Variants in USH2A observed in about 807,000 individuals in gnomAD.
The protein encoded by USH2A is Usher syndrome 2A (autosomal recessive, mild).
A neutral mutation model predicts 538.9 loss-of-function variants in USH2A; 443 were observed. The ratio of observed to expected loss-of-function variants is 0.82; its 90% CI spans 0.76 to 0.89. USH2A has a LOEUF of 0.89. USH2A is among the 40% of genes least tolerant of loss of function. The pLI, the probability that USH2A is intolerant of heterozygous loss-of-function variation, is 0.00. For missense variants in USH2A, 6,633 were observed against 6,324.8 expected, an observed-to-expected ratio of 1.05 and a Z score of -1.65; for synonymous variants, 2,413 against 2,273.5, an observed-to-expected ratio of 1.06 and a Z score of -1.75.
rs145771342 is a variant in USH2A at position 215,628,906 on chromosome 1, G to A, written c.15427C>T (p.Arg5143Cys). Residue 5143 changes from arginine (R) to cysteine (C), a missense_variant, in exon 71 of 72, where the codon CGC (arginine) becomes TGC (cysteine). By Grantham distance (180) the Arg-to-Cys change is radical. Coordinates refer to ENST00000307340, the MANE Select transcript of USH2A (RefSeq NM_206933.4). ...ATGTCCATGAGCTGGCTGACGCTGCGGTGAAGAGAACCCTGGGAGTAGGTT... is the reference window on the plus strand; with the variant it reads ...ATGTCCATGAGCTGGCTGACGCTGCAGTGAAGAGAACCCTGGGAGTAGGTT... ...SLTYSQGSLH[R>C]SVSQLMDIQD... The A allele has an allele frequency of 3.0e-4, 480 of 1,614,120 alleles. 7 individuals are homozygous for A. In the East Asian group the frequency reaches 6.0e-3, roughly 20 times the overall value.
chr1:215,862,522 C>A (rs1336278181), intron 44 of USH2A, among the ~76,000 whole-genome samples: 1 of 152,072 alleles, frequency 6.6e-6, no homozygotes, highest in Non-Finnish European at 1.5e-5. Context: ...ATGTAACAAA[C>A]CTGCACGTTG....
At chr1:215,741,560 T>C in intron 59 of USH2A, 23 bp from the exon 60 acceptor site, 1 of 1,606,652 alleles carries the variant, frequency 6.2e-7, no homozygotes, top group Non-Finnish European at 8.5e-7. Context: ...AAAATTGAGG[T>C]CTTTATTATT....
intron 61 of USH2A, among the ~76,000 whole-genome samples, chr1:215,684,815 A>G (rs1268860944): frequency 6.6e-6 from 1 of 152,130 alleles, no homozygotes; most frequent in Non-Finnish European, 1.5e-5. Flanking sequence ...TCTGCATCCC[A>G]ACCAAGTCAC....
intron 14 of USH2A, among the ~76,000 whole-genome samples, chr1:216,222,656 G>A (rs1401312481): frequency 1.3e-5 from 2 of 152,176 alleles, no homozygotes; most frequent in East Asian, 3.9e-4. Flanking sequence ...TGCTCTGCTG[G>A]CTTTGAAAAT....
chr1:216,359,277 C>G (rs1249356531), intron 4 of USH2A, among the ~76,000 whole-genome samples: 1 of 151,974 alleles, frequency 6.6e-6, no homozygotes, highest in Non-Finnish European at 1.5e-5. Context: ...CTTATTGTTT[C>G]ACAATAAGAA....
intron 58 of USH2A, among the ~76,000 whole-genome samples, chr1:215,746,467 C>T (rs1368586534): frequency 6.6e-6 from 1 of 152,096 alleles, no homozygotes; most frequent in African/African-American, 2.4e-5. Context: ...GTGAGCTTGC[C>T]CTACTTGCGA....
chr1:215,751,706 A>G (rs1660627790), intron 58 of USH2A, among the ~76,000 whole-genome samples: 1 of 152,162 alleles, frequency 6.6e-6, no homozygotes, highest in East Asian at 1.9e-4. Context: ...TATGAATACA[A>G]AAGTCCTGAC....
intron 3 of USH2A, among the ~76,000 whole-genome samples, chr1:216,412,953 C>A (rs2039514034): frequency 1.3e-5 from 2 of 151,972 alleles, no homozygotes; most frequent in Non-Finnish European, 2.9e-5. Context: ...GTCACTATTT[C>A]ATTGTATAAC....
At chr1:216,047,164 C>A (rs1159143087) in intron 31 of USH2A, among the ~76,000 whole-genome samples, 1 of 152,016 alleles carries the variant, frequency 6.6e-6, no homozygotes, top group Non-Finnish European at 1.5e-5. Context: ...ACTCCTCTAT[C>A]ATTTAGTAAA....
intron 47 of USH2A, among the ~76,000 whole-genome samples, chr1:215,827,973 C>T (rs1298583269): frequency 6.6e-6 from 1 of 152,002 alleles, no homozygotes; most frequent in Non-Finnish European, 1.5e-5. Context: ...CTATCATTCA[C>T]TGAGAAAAGT....
rs781539079 is a variant in USH2A, at chr1:215,790,068, C to G, written c.10173G>C (p.Met3391Ile). 6.8e-6 allele frequency: 11 copies of G among 1,613,268 alleles called. No individual in the cohort carries two copies. The highest frequency in any genetic ancestry group is 1.7e-5 in the Admixed American group (1 of 59,948). The change falls in exon 51 of 72, where the codon ATG (methionine) becomes ATC (isoleucine). Residue 3391 changes from methionine to isoleucine, a missense_variant. By Grantham distance (10) the Met-to-Ile change is conservative. Transcript: ENST00000307340. ...YVCSDKISTG[M>I]MMKETKECRI... ...CTTTTCTATCAATTACCTTCATCAT[C>G]ATTCCAGTTGAAATCTTGTCAGAGC...
At chr1:216,160,502 C>G (rs1271031152) in intron 21 of USH2A, among the ~76,000 whole-genome samples, 2 of 152,036 alleles carry the variant, frequency 1.3e-5, no homozygotes, top group African/African-American at 4.8e-5. Flanking sequence ...AATGCAGTGG[C>G]TCATCACATC....
At chr1:216,374,758 C>A (rs1571754703) in intron 3 of USH2A, among the ~76,000 whole-genome samples, 1 of 152,008 alleles carries the variant, frequency 6.6e-6, no homozygotes, top group Middle Eastern at 3.2e-3. Flanking sequence ...AGTATAGACC[C>A]CATACAGCTG....
At chr1:216,313,043 G>A (rs1375017630) in intron 9 of USH2A, among the ~76,000 whole-genome samples, 3 of 152,134 alleles carry the variant, frequency 2.0e-5, no homozygotes, top group African/African-American at 7.2e-5. Flanking sequence ...ACTTTTCCAC[G>A]AACTGGGTGT....
At chr1:215,830,156 T>C (rs1448893440) in intron 47 of USH2A, among the ~76,000 whole-genome samples, 4 of 152,174 alleles carry the variant, frequency 2.6e-5, no homozygotes, top group Admixed American at 6.5e-5. Flanking sequence ...GCAGTATCAG[T>C]GTGAAACTGT....
At chr1:215,809,485 T>TA (rs1482056285) in intron 49 of USH2A, among the ~76,000 whole-genome samples, 2 of 151,754 alleles carry the variant, frequency 1.3e-5, no homozygotes, top group Non-Finnish European at 2.9e-5. Context: ...ATTATATCAA[T>TA]AAAAAATAAA....
At position 216,038,535 on chromosome 1, in the gene USH2A, CA is replaced by C. The variant is rs545736883; in HGVS notation, c.6325+7895del. Among the ~76,000 whole-genome samples the C allele has an allele frequency of 1.4e-4, 21 of 152,062 alleles. No homozygotes were observed. In the South Asian group the frequency reaches 3.7e-3, roughly 27 times the overall value. On this transcript the variant is annotated intron_variant, in intron 32 of 71. Coordinates refer to ENST00000307340, the MANE Select transcript of USH2A (RefSeq NM_206933.4). ...CTATTTATATTGAGTACAAAATTAG[CA>C]AAATCAGTTTATGGTGTCAACACTC...
At chr1:216,124,039 G>A (rs567907160) in intron 21 of USH2A, among the ~76,000 whole-genome samples, 1 of 152,238 alleles carries the variant, frequency 6.6e-6, no homozygotes, top group South Asian at 2.1e-4. Context: ...CCACAGAAAG[G>A]TAAGACATCA....
At chr1:216,275,364 T>A (rs1398773289) in intron 11 of USH2A, among the ~76,000 whole-genome samples, 4 of 152,086 alleles carry the variant, frequency 2.6e-5, no homozygotes, top group African/African-American at 7.2e-5. Flanking sequence ...AAATGAAAGA[T>A]CTCACAGAAG....
Sources: gnomAD v4.1 joint callset for allele counts (sites outside exome capture counted in the v4.1 genomes callset) on GRCh38, gnomAD v4.1.1 for gene constraint, MANE v1.5 for transcripts, NCBI Gene and HGNC (gene_info 2026-07-23, HGNC 2026-07-21) for gene names.